MYO1E: variants seen among roughly 807,000 people sequenced by gnomAD.
The protein encoded by MYO1E is unconventional myosin-Ie.
In MYO1E, 68 loss-of-function variants were observed where a neutral mutation model predicts 151.1. That is an observed-to-expected ratio of 0.45 (90% confidence interval 0.37 to 0.55). The LOEUF (loss-of-function observed/expected upper bound fraction) is 0.55, where lower values mean the gene tolerates loss of function less well. Among genes scored for constraint, MYO1E ranks in the 20% least tolerant of loss-of-function variants. MYO1E has a pLI of 0.00. For missense variants in MYO1E, 1,363 were observed against 1,389.3 expected, an observed-to-expected ratio of 0.98 and a Z score of 0.30; for synonymous variants, 601 against 501.7, an observed-to-expected ratio of 1.20 and a Z score of -2.64.
rs200047156 is a variant in MYO1E at position 59,198,829 on chromosome 15, A to T, written c.1699-3262T>A. 1.5e-4 allele frequency among the ~76,000 whole-genome samples: 6 copies of T among 39,630 alleles called. No individual in the cohort carries two copies. In the East Asian group the frequency reaches 0.015, roughly 102 times the overall value. The allele number at this position is 39,630 out of a possible 152,430, so 26.0% of individuals were successfully genotyped here. A position where few individuals can be genotyped will look rare whatever the true frequency, so the allele number is the denominator to read the frequency against. ...GCAAGGCTCCATCTCAAGAAAAAAA[A>T]CAAAAAAAAAACAAACCAAAAAAAC... On this transcript the variant is annotated intron_variant, in intron 16 of 27. Transcript: ENST00000288235.
At chr15:59,273,662 CG>C (rs2080301502) in intron 1 of MYO1E, among the ~76,000 whole-genome samples, 1 of 88,250 alleles carries the variant, frequency 1.1e-5, no homozygotes. Flanking sequence ...TAATCTATGC[CG>C]GAGGAGACCA....
chr15:59,334,427 T>A (rs1491003471), intron 1 of MYO1E, among the ~76,000 whole-genome samples: 1 of 151,914 alleles, frequency 6.6e-6, no homozygotes, highest in Non-Finnish European at 1.5e-5. Context: ...AAATATTGCA[T>A]GTACCCCATA....
intron 9 of MYO1E, among the ~76,000 whole-genome samples, chr15:59,218,847 G>A (rs1290801049): frequency 3.3e-5 from 5 of 152,194 alleles, no homozygotes; most frequent in African/African-American, 1.2e-4. Context: ...TGTACCAAGG[G>A]GAGGAAGCAG....
intron 1 of MYO1E, among the ~76,000 whole-genome samples, chr15:59,297,148 G>A (rs1055288773): frequency 2.0e-5 from 3 of 151,156 alleles, no homozygotes; most frequent in African/African-American, 4.9e-5. Context: ...CACCGCACCC[G>A]GCCAGGAAAT....
intron 1 of MYO1E, among the ~76,000 whole-genome samples, chr15:59,319,421 A>G (rs1306206400): frequency 6.6e-6 from 1 of 152,070 alleles, no homozygotes; most frequent in Non-Finnish European, 1.5e-5. Flanking sequence ...TTATAAAATA[A>G]TGCAATTGCC....
At chr15:59,302,977 A>T (rs997591569) in intron 1 of MYO1E, among the ~76,000 whole-genome samples, 1 of 152,146 alleles carries the variant, frequency 6.6e-6, no homozygotes, top group African/African-American at 2.4e-5. Flanking sequence ...GGAGAAAGGA[A>T]ACTTTCAGTT....
At chr15:59,372,218 C>T (rs1362743975) in intron 1 of MYO1E, among the ~76,000 whole-genome samples, 2 of 152,102 alleles carry the variant, frequency 1.3e-5, no homozygotes, top group African/African-American at 4.8e-5. Flanking sequence ...TGCGCCCACA[C>T]CCTGGCTTCC....
rs775818245 is a variant in MYO1E at position 59,269,657 on chromosome 15, A to C, written c.147+2649T>G. ...CAGATCATGAGGTGAAGAGATTGAG[A>C]CCATCCCGGCCAACATGGTGAATGA... On this transcript the variant is annotated intron_variant, in intron 2 of 27. Coordinates refer to ENST00000288235, the MANE Select transcript of MYO1E (RefSeq NM_004998.4). 5.9e-5 allele frequency among the ~76,000 whole-genome samples: 9 copies of C among 152,118 alleles called. No homozygotes were observed. The South Asian group carries it at 8.3e-4, about 14-fold the overall frequency.
chr15:59,346,886 C>G (rs960652977), intron 1 of MYO1E, among the ~76,000 whole-genome samples: 16 of 151,554 alleles, frequency 1.1e-4, no homozygotes, highest in African/African-American at 3.9e-4. Context: ...CACTGCATTC[C>G]AGCCTGGGTG....
chr15:59,257,967 G>A (rs540206251), intron 3 of MYO1E, among the ~76,000 whole-genome samples: 6 of 152,232 alleles, frequency 3.9e-5, no homozygotes, highest in African/African-American at 1.4e-4. Context: ...GAATAAGGCC[G>A]CCCTGGAACA....
chr15:59,247,088 C>T (rs528104892), intron 4 of MYO1E, among the ~76,000 whole-genome samples: 11 of 152,246 alleles, frequency 7.2e-5, no homozygotes, highest in East Asian at 1.9e-4. Flanking sequence ...CCCAGCTACT[C>T]GCGAGGCTGA....
At chr15:59,173,692 TA>T in intron 21 of MYO1E, 53 bp downstream of exon 21, 1 of 1,598,334 alleles carries the variant, frequency 6.3e-7, no homozygotes. Context: ...AACAAGTTAT[TA>T]AAAAAATAAG....
chr15:59,142,796 A>C (rs1243052250), intron 26 of MYO1E, among the ~76,000 whole-genome samples: 1 of 152,022 alleles, frequency 6.6e-6, no homozygotes, highest in African/African-American at 2.4e-5. Flanking sequence ...CTTCAAGCTT[A>C]CATCATATTT....
intron 26 of MYO1E, among the ~76,000 whole-genome samples, chr15:59,149,533 C>A (rs1290144106): frequency 6.6e-6 from 1 of 152,156 alleles, no homozygotes. Context: ...ACCATGTGCA[C>A]CAATACTGCA....
intron 4 of MYO1E, among the ~76,000 whole-genome samples, chr15:59,243,464 T>C (rs767855852): frequency 2.0e-5 from 3 of 152,166 alleles, no homozygotes; most frequent in Non-Finnish European, 4.4e-5. Flanking sequence ...ATAATCTCCA[T>C]TATTTGAAGT....
intron 20 of MYO1E, 80 bp from the exon 21 acceptor site, chr15:59,173,995 A>G (rs2079610322): frequency 6.5e-7 from 1 of 1,542,954 alleles, no homozygotes; most frequent in Non-Finnish European, 9.0e-7. Context: ...AAATATACAA[A>G]GAAACTCTAA....
intron 1 of MYO1E, among the ~76,000 whole-genome samples, chr15:59,366,946 A>G (rs1393910927): frequency 6.7e-6 from 1 of 149,950 alleles, no homozygotes; most frequent in Non-Finnish European, 1.5e-5. Flanking sequence ...ACTCACCATT[A>G]AGAAACATTT....
At chr15:59,297,381 C>A (rs1170545812) in intron 1 of MYO1E, among the ~76,000 whole-genome samples, 1 of 150,564 alleles carries the variant, frequency 6.6e-6, no homozygotes, top group African/African-American at 2.4e-5. Context: ...AATGATTCTC[C>A]TGCCTCAGCC....
At chr15:59,285,777 C>T (rs571079435) in intron 1 of MYO1E, among the ~76,000 whole-genome samples, 2 of 152,046 alleles carry the variant, frequency 1.3e-5, no homozygotes, top group Non-Finnish European at 2.9e-5. Context: ...TAAATGCATA[C>T]CAAATTAGTG....
Sources: gnomAD v4.1 joint callset for allele counts (sites outside exome capture counted in the v4.1 genomes callset) on GRCh38, gnomAD v4.1.1 for gene constraint, MANE v1.5 for transcripts, NCBI Gene and HGNC (gene_info 2026-07-23, HGNC 2026-07-21) for gene names.